The following PTGER3 variants were observed in gnomAD, a reference collection of about 807,000 sequenced individuals.
The protein encoded by PTGER3 is prostaglandin E2 receptor EP3 subtype.
PTGER3 carries 22 observed loss-of-function variants against 34.7 expected under a neutral mutation model. The ratio of observed to expected loss-of-function variants is 0.63; its 90% CI spans 0.45 to 0.91. The LOEUF (loss-of-function observed/expected upper bound fraction) is 0.91. PTGER3 is among the 40% of genes least tolerant of loss of function. PTGER3 has a pLI of 0.00. For missense variants in PTGER3, 468 were observed against 519.4 expected (o/e 0.90, Z 0.96); for synonymous variants, 241 against 230.1 (o/e 1.05, Z -0.43).
At chr1:70,990,386 C>CACAT (rs1206925417) in intron 2 of PTGER3, among the ~76,000 whole-genome samples, 5,320 of 131,082 alleles carry the variant, frequency 0.041, 126 homozygotes, top group Middle Eastern at 0.078. Flanking sequence ...CACACACACA[C>CACAT]ATATATATAT....
chr1:70,897,234 G>A (rs1646740921), intron 4 of PTGER3, among the ~76,000 whole-genome samples: 1 of 152,092 alleles, frequency 6.6e-6, no homozygotes, highest in Non-Finnish European at 1.5e-5. Context: ...GAATGCACTG[G>A]TGTCACATTT....
At chr1:70,996,793 A>G (rs1489043475) in intron 2 of PTGER3, among the ~76,000 whole-genome samples, 2 of 152,000 alleles carry the variant, frequency 1.3e-5, no homozygotes, top group Non-Finnish European at 2.9e-5. Context: ...CCTCCGGAGT[A>G]GGTGGGACTA....
chr1:70,970,370 G>A (rs1652949161), downstream of PTGER3, among the ~76,000 whole-genome samples: 1 of 151,990 alleles, frequency 6.6e-6, no homozygotes, highest in Non-Finnish European at 1.5e-5. Context: ...CTAAGTAAAG[G>A]GATTGTGTAC....
intron 4 of PTGER3, among the ~76,000 whole-genome samples, chr1:70,920,511 T>C (rs1647420268): frequency 6.6e-6 from 1 of 152,234 alleles, no homozygotes; most frequent in South Asian, 2.1e-4. Context: ...TGAATAAAGT[T>C]ATTAATGATT....
At chr1:70,857,915 A>C (rs1645844537) in intron 4 of PTGER3, among the ~76,000 whole-genome samples, 1 of 152,234 alleles carries the variant, frequency 6.6e-6, no homozygotes, top group Non-Finnish European at 1.5e-5. Flanking sequence ...CATCACTCAC[A>C]ACACATAAAT....
chr1:71,017,071 A>G (rs1025853837), intron 1 of PTGER3, among the ~76,000 whole-genome samples: 1 of 152,042 alleles, frequency 6.6e-6, no homozygotes, highest in Non-Finnish European at 1.5e-5. Context: ...CGGTCCCTGG[A>G]ATCTGTGAAT....
At chr1:70,866,525 A>G (rs952303432) in intron 4 of PTGER3, among the ~76,000 whole-genome samples, 1 of 152,190 alleles carries the variant, frequency 6.6e-6, no homozygotes, top group Non-Finnish European at 1.5e-5. Flanking sequence ...TATTGCATAG[A>G]CCAATGATAT....
intron 4 of PTGER3, among the ~76,000 whole-genome samples, chr1:70,920,914 A>C (rs1224794346): frequency 6.6e-6 from 1 of 152,208 alleles, no homozygotes; most frequent in African/African-American, 2.4e-5. Context: ...TGCATATTCT[A>C]TACAAGACTA....
chr1:70,929,425 CTTAAAAA>C (rs1418623866), intron 4 of PTGER3, among the ~76,000 whole-genome samples: 1 of 146,584 alleles, frequency 6.8e-6, no homozygotes, highest in African/African-American at 2.5e-5. Flanking sequence ...AAATAAAGTA[CTTAAAAA>C]TTAAATGGGT....
intron 4 of PTGER3, among the ~76,000 whole-genome samples, chr1:70,935,215 A>T (rs1422846585): frequency 1.3e-5 from 2 of 152,204 alleles, no homozygotes; most frequent in Non-Finnish European, 2.9e-5. Flanking sequence ...AGCTATTTTC[A>T]GAAAGTTCTC....
chr1:71,007,063 AC>A (rs1657031676), intron 2 of PTGER3: 1 of 985,094 alleles, frequency 1.0e-6, no homozygotes. Context: ...GACGATAACT[AC>A]CCATAAAACT....
At chr1:70,925,219 G>A (rs1345691260) in intron 4 of PTGER3, among the ~76,000 whole-genome samples, 43 of 152,134 alleles carry the variant, frequency 2.8e-4, no homozygotes, top group Admixed American at 2.8e-3. Context: ...TGGCCAGTCT[G>A]GTCTTGAACT....
chr1:70,908,728 C>T (rs971872131), intron 4 of PTGER3, among the ~76,000 whole-genome samples: 13 of 152,166 alleles, frequency 8.5e-5, no homozygotes, highest in Non-Finnish European at 1.9e-4. Flanking sequence ...TTTCCACTTC[C>T]AGGAATTTAT....
intron 4 of PTGER3, among the ~76,000 whole-genome samples, chr1:70,899,496 T>C (rs1646791118): frequency 6.6e-6 from 1 of 152,094 alleles, no homozygotes; most frequent in Admixed American, 6.6e-5. Context: ...CATAGAAGCA[T>C]GAATCACTAA....
Position 70,941,089 on chromosome 1 carries a change from C to G in PTGER3, c.*23+12674G>C, listed in dbSNP as rs145199526. On this transcript the variant is annotated intron_variant, in intron 4 of 4. Coordinates refer to the PTGER3 transcript ENST00000370931. ...CAATATACTTGATAGATACTTGCAACAGCATAGGGTTATTAATTAAATGTC... is the reference window on the plus strand; with the variant it reads ...CAATATACTTGATAGATACTTGCAAGAGCATAGGGTTATTAATTAAATGTC... Among the ~76,000 whole-genome samples the G allele has an allele frequency of 7.2e-3, 1,103 of 152,214 alleles. 15 individuals carry two copies. Among genetic ancestry groups the G allele is most frequent in the African/African-American group, 0.026 (1,059 of 41,526 alleles).
chr1:71,016,476 T>G (rs1657907507), intron 1 of PTGER3, among the ~76,000 whole-genome samples: 1 of 152,176 alleles, frequency 6.6e-6, no homozygotes, highest in South Asian at 2.1e-4. Flanking sequence ...TAACAATAAT[T>G]TACTTTTAAA....
At chr1:70,939,093 A>C (rs113681775) in intron 4 of PTGER3, among the ~76,000 whole-genome samples, 6 of 152,200 alleles carry the variant, frequency 3.9e-5, no homozygotes, top group Non-Finnish European at 5.9e-5. Context: ...TACAAGTATT[A>C]GATAAATACA....
At chr1:70,940,573 T>A (rs994235623) in intron 4 of PTGER3, among the ~76,000 whole-genome samples, 2 of 151,562 alleles carry the variant, frequency 1.3e-5, no homozygotes, top group Non-Finnish European at 2.9e-5. Flanking sequence ...TGGCAGGAGG[T>A]GGAAGACACT....
intron 4 of PTGER3, among the ~76,000 whole-genome samples, chr1:70,939,050 A>C (rs1649512523): frequency 6.6e-6 from 1 of 152,318 alleles, no homozygotes; most frequent in South Asian, 2.1e-4. Context: ...GTAAAACCAA[A>C]GGCAACTAGT....
Sources: gnomAD v4.1 joint callset for allele counts (sites outside exome capture counted in the v4.1 genomes callset) on GRCh38, gnomAD v4.1.1 for gene constraint, MANE v1.5 for transcripts, NCBI Gene and HGNC (gene_info 2026-07-23, HGNC 2026-07-21) for gene names.